The following RASSF3 variants were observed in gnomAD, a reference collection of about 807,000 sequenced individuals.
RASSF3 encodes ras association domain-containing protein 3.
Under a neutral mutation model 19.9 loss-of-function variants are expected in RASSF3, and 19 were observed. The ratio of observed to expected loss-of-function variants is 0.96; its 90% CI spans 0.67 to 1.40. The LOEUF is 1.40. Ranked by LOEUF, RASSF3 falls within the 40% of genes most tolerant of loss-of-function variation. The pLI is 0.00. For synonymous variants in RASSF3, 110 were observed against 104.2 expected (o/e 1.06, Z -0.34); for missense variants, 306 against 289.8 (o/e 1.06, Z -0.41).
At chr12:64,545,655 C>A (rs1213922836), downstream of RASSF3, among the ~76,000 whole-genome samples, 1 of 152,160 alleles carries the variant, frequency 6.6e-6, no homozygotes, top group Non-Finnish European at 1.5e-5. Flanking sequence ...TGGCGGGCCG[C>A]AATGGCTCAT....
Position 64,634,973 on chromosome 12 carries a change from T to TTTC in RASSF3, c.111+24232_111+24233insCTT, listed in dbSNP as rs1398983216. Among the ~76,000 whole-genome samples, 999 of 149,052 alleles carry TTTC rather than the reference T, an allele frequency of 6.7e-3. 14 individuals are homozygous for TTTC. The highest frequency in any genetic ancestry group is 0.024 in the African/African-American group (963 of 40,682). ...TTTTCTTTTCTTTTCTTTTCTTTTT[T>TTTC]TTTTTTTTTTGAGACAAGATCTATC... On this transcript the variant is annotated intron_variant, in intron 1 of 4. Coordinates refer to ENST00000542104, the MANE Select transcript of RASSF3 (RefSeq NM_178169.4).
At chr12:64,524,903 G>GT (rs1868553470) in intron 1 of RASSF3, among the ~76,000 whole-genome samples, 1 of 152,186 alleles carries the variant, frequency 6.6e-6, no homozygotes, top group African/African-American at 2.4e-5. Flanking sequence ...TCTTTATTCA[G>GT]TTGTTAGGCA....
intron 1 of RASSF3, among the ~76,000 whole-genome samples, chr12:64,632,518 G>A (rs1208726864): frequency 6.6e-6 from 1 of 152,106 alleles, no homozygotes; most frequent in African/African-American, 2.4e-5. Context: ...CAGTGGGAGA[G>A]AGAAGGACTC....
intron 1 of RASSF3, among the ~76,000 whole-genome samples, chr12:64,637,540 A>G (rs1871366114): frequency 6.8e-6 from 1 of 148,000 alleles, no homozygotes; most frequent in African/African-American, 2.5e-5. Flanking sequence ...AGCAATTCTC[A>G]TGCCTCAGCC....
chr12:64,657,455 A>G (rs1872200004), intron 1 of RASSF3, among the ~76,000 whole-genome samples: 2 of 152,264 alleles, frequency 1.3e-5, no homozygotes, highest in Non-Finnish European at 2.9e-5. Flanking sequence ...ATCACAATAA[A>G]GTAAATTTTT....
At chr12:64,572,932 CT>C (rs1869543316) in intron 2 of RASSF3, among the ~76,000 whole-genome samples, 2 of 152,070 alleles carry the variant, frequency 1.3e-5, no homozygotes, top group Admixed American at 1.3e-4. Flanking sequence ...ACAGTGTTTC[CT>C]TCTGTCACCT....
intron 2 of RASSF3, among the ~76,000 whole-genome samples, chr12:64,590,432 T>G (rs1029012720): frequency 6.6e-6 from 1 of 152,194 alleles, no homozygotes; most frequent in African/African-American, 2.4e-5. Context: ...AACCTGACTT[T>G]CAAATAAAGG....
chr12:64,513,771 G>A (rs978795843), intron 1 of RASSF3, among the ~76,000 whole-genome samples: 4 of 152,176 alleles, frequency 2.6e-5, no homozygotes, highest in African/African-American at 9.7e-5. Context: ...TGTAGACCAT[G>A]CAACCATGGA....
intron 1 of RASSF3, among the ~76,000 whole-genome samples, chr12:64,618,931 A>T (rs781568098): frequency 1.5e-4 from 23 of 151,986 alleles, no homozygotes; most frequent in East Asian, 5.8e-4. Context: ...ATAATAATAA[A>T]AAAAAAGAAA....
downstream of RASSF3, among the ~76,000 whole-genome samples, chr12:64,543,652 G>A (rs1868995949): frequency 6.6e-6 from 1 of 150,852 alleles, no homozygotes; most frequent in Non-Finnish European, 1.5e-5. Flanking sequence ...CACGGCGCGG[G>A]ACTGGCAGGT....
chr12:64,682,439 C>T (rs1448617083), intron 1 of RASSF3, among the ~76,000 whole-genome samples: 1 of 151,812 alleles, frequency 6.6e-6, no homozygotes, highest in Non-Finnish European at 1.5e-5. Context: ...TGGTGGCGGG[C>T]GCCTGTAGTC....
intron 1 of RASSF3, among the ~76,000 whole-genome samples, chr12:64,647,209 C>G (rs1422727448): frequency 2.0e-5 from 3 of 151,936 alleles, no homozygotes; most frequent in African/African-American, 7.3e-5. Context: ...AAATGAAACC[C>G]ATAGTTGTTT....
At chr12:64,537,258 C>T (rs932386302) in intron 1 of RASSF3, among the ~76,000 whole-genome samples, 1 of 152,186 alleles carries the variant, frequency 6.6e-6, no homozygotes, top group Non-Finnish European at 1.5e-5. Context: ...TTTGTGTAAA[C>T]TCCAACTCTG....
At chr12:64,562,804 A>G (rs1188000625) in intron 2 of RASSF3, among the ~76,000 whole-genome samples, 1 of 151,872 alleles carries the variant, frequency 6.6e-6, no homozygotes, top group Non-Finnish European at 1.5e-5. Flanking sequence ...TTAAAAATAT[A>G]TTTTGTAGAG....
intron 3 of RASSF3, among the ~76,000 whole-genome samples, chr12:64,691,121 CA>C (rs1033232918): frequency 4.6e-5 from 7 of 151,722 alleles, no homozygotes; most frequent in Non-Finnish European, 1.5e-5. Context: ...CTCGGCCTCC[CA>C]AAGTATTGGG....
At chr12:64,649,406 A>C (rs1871860178) in intron 1 of RASSF3, among the ~76,000 whole-genome samples, 1 of 151,866 alleles carries the variant, frequency 6.6e-6, no homozygotes, top group Admixed American at 6.6e-5. Context: ...GTTAGCCAGG[A>C]TGGTCTCAAT....
intron 1 of RASSF3, among the ~76,000 whole-genome samples, chr12:64,643,946 A>G (rs1203413000): frequency 6.6e-6 from 1 of 152,346 alleles, no homozygotes; most frequent in East Asian, 1.9e-4. Context: ...ATACAAAGAC[A>G]ACTTCCTAAA....
intron 4 of RASSF3, among the ~76,000 whole-genome samples, chr12:64,693,834 C>T (rs996291497): frequency 6.6e-6 from 1 of 152,238 alleles, no homozygotes; most frequent in South Asian, 2.1e-4. Context: ...GCGAGAAGTA[C>T]GGCAGCTGTG....
intron 1 of RASSF3, among the ~76,000 whole-genome samples, chr12:64,652,818 A>G (rs1040160492): frequency 4.6e-5 from 7 of 152,196 alleles, no homozygotes; most frequent in African/African-American, 1.7e-4. Context: ...GTATAATTCT[A>G]TTTACATGTA....
Sources: gnomAD v4.1 joint callset for allele counts (sites outside exome capture counted in the v4.1 genomes callset) on GRCh38, gnomAD v4.1.1 for gene constraint, MANE v1.5 for transcripts, NCBI Gene and HGNC (gene_info 2026-07-23, HGNC 2026-07-21) for gene names.